The following CROCC variants were observed in gnomAD, a reference collection of about 807,000 sequenced individuals.
The protein encoded by CROCC is rootletin.
CROCC carries 180 observed loss-of-function variants against 245.2 expected under a neutral mutation model. The observed-to-expected ratio is 0.73, with a 90% CI of 0.65 to 0.83. The LOEUF is 0.83. Among genes scored for constraint, CROCC ranks in the 40% least tolerant of loss-of-function variants. CROCC has a pLI of 0.00. For missense variants in CROCC, 2,688 were observed against 2,779.4 expected (o/e 0.97, Z 0.74); for synonymous variants, 1,205 against 1,241.6 (o/e 0.97, Z 0.62).
chr1:16,970,554 T>A, intron 34 of CROCC, 82 bp from the exon 35 acceptor site: 2 of 1,475,526 alleles, frequency 1.4e-6, no homozygotes, highest in East Asian at 4.9e-5. Context: ...TGGGGTTAGG[T>A]TATTCCATCA....
chr1:16,950,608 C>T (rs2076142805), intron 19 of CROCC, among the ~76,000 whole-genome samples: 1 of 152,200 alleles, frequency 6.6e-6, no homozygotes, highest in Non-Finnish European at 1.5e-5. Flanking sequence ...TCCACCTGCC[C>T]CAGCTTCCCA....
rs781495594 is a variant in CROCC, at chr1:16,969,924, A to C, written c.5441A>C (p.Gln1814Pro). The C allele has an allele frequency of 1.9e-6, 3 of 1,595,858 alleles. No individual in the cohort carries two copies. The highest frequency in any genetic ancestry group is 2.6e-6 in the Non-Finnish European group (3 of 1,170,580). The change falls in exon 33 of 37, where the codon CAG becomes CCG. Residue 1814 changes from glutamine (Q) to proline (P), a missense_variant. Around this residue, in one of 9 missense-constraint regions of CROCC, gnomAD observed 1,218 missense variants for 1,286.3 expected, o/e 0.95. Transcript: ENST00000375541. ...GTGGAGGCCGAGGGCCAGCTACAAC[A>C]GCTACGGGAGGTGAGGGCCAGGGTG... ...QRVEAEGQLQ[Q>P]LREVLRQRQE...
At chr1:16,925,247 C>T (rs1197209883) in intron 3 of CROCC, among the ~76,000 whole-genome samples, 10 of 152,272 alleles carry the variant, frequency 6.6e-5, no homozygotes, top group African/African-American at 9.6e-5. Context: ...GTGGCAATAA[C>T]GTATTAACAG....
intron 9 of CROCC, among the ~76,000 whole-genome samples, chr1:16,937,109 C>T (rs151124297): frequency 2.0e-5 from 3 of 152,284 alleles, no homozygotes; most frequent in African/African-American, 7.2e-5. Flanking sequence ...AATCCCAGCA[C>T]TTTGGGAGAC....
At chr1:16,940,257 C>T (rs2075899120) in intron 13 of CROCC, among the ~76,000 whole-genome samples, 164 bp downstream of exon 13, 2 of 152,266 alleles carry the variant, frequency 1.3e-5, no homozygotes, top group Non-Finnish European at 2.9e-5. Context: ...GGAGTCTCGC[C>T]CTGTCGCCCA....
chr1:16,944,707 G>A lies in CROCC; in HGVS notation c.1991+425G>A, dbSNP rs566314354. Among the ~76,000 whole-genome samples, 6 of 152,358 alleles carry A rather than the reference G, an allele frequency of 3.9e-5. No individual in the cohort carries two copies. In the South Asian group the frequency reaches 1.2e-3, roughly 32 times the overall value. On this transcript the variant is annotated intron_variant, in intron 14 of 36. Coordinates refer to ENST00000375541, the MANE Select transcript of CROCC (RefSeq NM_014675.5). ...CTCCATTTTGTGGATGGTAAACTGA[G>A]GCACAGAGAAGCCATGTCACTTGCC...
intron 12 of CROCC, 67 bp downstream of exon 12, chr1:16,939,209 T>A: frequency 1.4e-6 from 1 of 695,974 alleles, no homozygotes; most frequent in Non-Finnish European, 2.1e-6. Context: ...GCCCTCCGGG[T>A]GGGGGCGGGG....
Position 16,961,021 on chromosome 1 carries a change from G to A in CROCC, c.4296G>A (p.Gln1432=), listed in dbSNP as rs566573922. The change falls in exon 27 of 37, where the codon CAG becomes CAA. Residue 1432 remains glutamine (Q), a synonymous_variant. Coordinates refer to ENST00000375541, the MANE Select transcript of CROCC (RefSeq NM_014675.5). The stretch of plus-strand genomic sequence containing the variant: ...TGCAGCGGCGCGCGGCGGAGGCCCA[G>A]CTGGGTGGCCTGCGCTCGGCTCTGC... ...VEVQRRAAEA[Q]LGGLRSALRR... 2,056 of 1,309,098 alleles carry A rather than the reference G, an allele frequency of 1.6e-3. 25 individuals carry two copies. The African/African-American group carries it at 0.029, about 19-fold the overall frequency. The allele number at this position is 1,309,098 out of a possible 1,614,324, so 81.1% of individuals were successfully genotyped here.
rs143447514 is a variant in CROCC at position 16,969,199 on chromosome 1, C to T, written c.5160C>T (p.Ser1720=). The T allele has an allele frequency of 5.0e-5, 80 of 1,610,022 alleles. No individual in the cohort carries two copies. The African/African-American group carries it at 9.3e-4, about 19-fold the overall frequency. ...GGGCCCTGGCTAAGGTGGAGGAAAGCGAGGGGGCCCTGCGGGACAAGGTGC... is the reference window on the plus strand; with the variant it reads ...GGGCCCTGGCTAAGGTGGAGGAAAGTGAGGGGGCCCTGCGGGACAAGGTGC... ...LNGALAKVEE[S]EGALRDKVRG... The change falls in exon 32 of 37, where the codon AGC becomes AGT. Residue 1720 remains serine (S), a synonymous_variant. Coordinates refer to ENST00000375541, the MANE Select transcript of CROCC (RefSeq NM_014675.5).
At position 16,924,339 on chromosome 1, in the gene CROCC, A is replaced by G; in HGVS notation, c.211A>G (p.Thr71Ala). 6.2e-7 allele frequency: 1 copy of G among 1,612,776 alleles called. No individual in the cohort carries two copies. Among genetic ancestry groups the G allele is most frequent in the Non-Finnish European group, 8.5e-7 (1 of 1,179,670 alleles). Reference sequence around the variant, plus strand: ...TCCCTTGCCAGTCCTGCTGCCGGCCACAGAGATGGCATCGCTGCTGTCGCT... The same window carrying G: ...TCCCTTGCCAGTCCTGCTGCCGGCCGCAGAGATGGCATCGCTGCTGTCGCT... ...QPESPVLLPA[T>A]EMASLLSLQE... Residue 71 changes from threonine (T) to alanine (A), a missense_variant, in exon 3 of 37, where the codon ACA (threonine) becomes GCA (alanine). Physicochemically the swap from Thr to Ala is moderately conservative, Grantham distance 58. Coordinates refer to ENST00000375541, the MANE Select transcript of CROCC (RefSeq NM_014675.5).
At chr1:16,967,268 CTA>C (rs2076434057) in intron 30 of CROCC, among the ~76,000 whole-genome samples, 1 of 152,056 alleles carries the variant, frequency 6.6e-6, no homozygotes, top group African/African-American at 2.4e-5. Context: ...TGGGGGACAG[CTA>C]TGTGTGCCAG....
chr1:16,971,210 A>T (rs976558608), intron 35 of CROCC, among the ~76,000 whole-genome samples: 10 of 144,024 alleles, frequency 6.9e-5, no homozygotes, highest in Admixed American at 1.4e-4. Context: ...ATGATGTCTG[A>T]GTGTGTGTGT....
In CROCC at chr1:16,968,269, G is replaced by A. The variant is rs1210241875; in HGVS notation, c.4927G>A (p.Val1643Ile). 1 of 1,563,254 alleles carries A rather than the reference G, an allele frequency of 6.4e-7. No homozygotes were observed. Among genetic ancestry groups the A allele is most frequent in the Admixed American group, 1.9e-5 (1 of 52,408 alleles). ...GGGCGACAAGCGGCGCCTGAAGGAGGTTCTGGACGCCTCCGAGAGCCGCAC... is the reference window on the plus strand; with the variant it reads ...GGGCGACAAGCGGCGCCTGAAGGAGATTCTGGACGCCTCCGAGAGCCGCAC... Reference protein sequence around the residue: ...LEGDKRRLKEVLDASESRTVK... With the variant: ...LEGDKRRLKEILDASESRTVK... Residue 1643 changes from valine (V) to isoleucine (I), a missense_variant, in exon 31 of 37, where the codon GTT becomes ATT. Coordinates refer to ENST00000375541, the MANE Select transcript of CROCC (RefSeq NM_014675.5).
intron 27 of CROCC, among the ~76,000 whole-genome samples, chr1:16,961,587 T>G (rs79861223): frequency 1.7e-4 from 26 of 152,032 alleles, no homozygotes; most frequent in South Asian, 1.2e-3. Flanking sequence ...CTTATTTTTT[T>G]GGGGAAGTGG....
rs752671450 is a variant in CROCC at position 16,922,771 on chromosome 1, C to T, written c.169C>T (p.Arg57Cys). 5.6e-5 allele frequency: 90 copies of T among 1,613,510 alleles called. No homozygotes were observed. In the East Asian group the frequency reaches 1.7e-3, roughly 30 times the overall value. ...TGCCCTTATCAGGGAGATTGTCACCCGCAACCTCTCCCAGCCTGAGAGCCC... is the reference window on the plus strand; with the variant it reads ...TGCCCTTATCAGGGAGATTGTCACCTGCAACCTCTCCCAGCCTGAGAGCCC... ...LPALIREIVT[R>C]NLSQPESPVL... The change falls in exon 2 of 37, where the codon CGC becomes TGC. Residue 57 changes from arginine to cysteine, a missense_variant. Around this residue, in one of 9 missense-constraint regions of CROCC, gnomAD observed 972 missense variants for 895.3 expected, o/e 1.09. Transcript: ENST00000375541.
chr1:16,970,597 C>T (rs1381636864), intron 34 of CROCC, 39 bp from the exon 35 acceptor site: 1 of 1,502,038 alleles, frequency 6.7e-7, no homozygotes, highest in Admixed American at 2.3e-5. Flanking sequence ...TCAGTAAGCT[C>T]CTCCTGGCAC....
In CROCC at chr1:16,955,526, A is replaced by C. The variant is rs1291711987; in HGVS notation, c.3680A>C (p.Lys1227Thr). ...AATGAGGAGCTTCGGTCTGCTGTGA[A>C]GAAGGCAGAGAGCGAGCGCATCAGG... ...RSNEELRSAV[K>T]KAESERISLK... The change falls in exon 24 of 37, where the codon AAG (lysine) becomes ACG (threonine). Residue 1227 changes from lysine to threonine, a missense_variant. By Grantham distance (78) the Lys-to-Thr change is moderately conservative. Coordinates refer to ENST00000375541, the MANE Select transcript of CROCC (RefSeq NM_014675.5). 6 of 1,560,524 alleles carry C rather than the reference A, an allele frequency of 3.8e-6. 1 individual carries two copies. Among genetic ancestry groups the C allele is most frequent in the Middle Eastern group, 3.4e-4 (2 of 5,892 alleles).
chr1:16,941,941 A>T (rs1489849950), intron 13 of CROCC, among the ~76,000 whole-genome samples: 2 of 152,110 alleles, frequency 1.3e-5, no homozygotes, highest in African/African-American at 4.8e-5. Context: ...GCCTCAAGTG[A>T]TTCCCCTGCC....
At chr1:16,969,068 G>C in intron 31 of CROCC, 48 bp from the exon 32 acceptor site, 1 of 1,542,362 alleles carries the variant, frequency 6.5e-7, no homozygotes, top group Non-Finnish European at 8.8e-7. Context: ...CAGAGGTATA[G>C]AGGCCAGATG....
Sources: gnomAD v4.1 joint callset for allele counts (sites outside exome capture counted in the v4.1 genomes callset) on GRCh38, gnomAD v4.1.1 for gene constraint, gnomAD v4.1.1 regional missense constraint, MANE v1.5 for transcripts, NCBI Gene and HGNC (gene_info 2026-07-23, HGNC 2026-07-21) for gene names.